BICC1: variants seen among roughly 807,000 people sequenced by gnomAD.
BICC1 encodes BicC family RNA binding protein 1, also known as protein bicaudal C homolog 1.
Under a neutral mutation model 111.0 loss-of-function variants are expected in BICC1, and 43 were observed. That is an observed-to-expected ratio of 0.39 (90% CI 0.30 to 0.50). BICC1 has a LOEUF of 0.50. Among genes scored for constraint, BICC1 ranks in the 20% least tolerant of loss-of-function variants. The pLI, the probability that BICC1 is intolerant of heterozygous loss-of-function variation, is 0.88. For missense variants in BICC1, 1,091 were observed against 1,203.2 expected, an observed-to-expected ratio of 0.91 and a Z score of 1.38; for synonymous variants, 467 against 434.4, an observed-to-expected ratio of 1.07 and a Z score of -0.93.
chr10:58,779,977 A>G (rs1306359754), intron 3 of BICC1, among the ~76,000 whole-genome samples: 1 of 152,096 alleles, frequency 6.6e-6, no homozygotes, highest in African/African-American at 2.4e-5. Flanking sequence ...CTTTGGAACT[A>G]CTTGCCGACT....
chr10:58,688,763 A>C (rs1839826571), intron 2 of BICC1, among the ~76,000 whole-genome samples: 1 of 152,156 alleles, frequency 6.6e-6, no homozygotes. Context: ...CATCATTCCC[A>C]GGAAACTACA....
intron 1 of BICC1, among the ~76,000 whole-genome samples, chr10:58,571,915 T>C (rs1290432077): frequency 6.6e-6 from 1 of 152,170 alleles, no homozygotes; most frequent in Non-Finnish European, 1.5e-5. Context: ...CACCACATTA[T>C]CTTCCACAAT....
At chr10:58,661,841 G>A (rs1418948231) in intron 2 of BICC1, among the ~76,000 whole-genome samples, 4 of 152,076 alleles carry the variant, frequency 2.6e-5, no homozygotes, top group African/African-American at 9.7e-5. Flanking sequence ...AACATATGAG[G>A]CATTGAAATT....
In BICC1 at chr10:58,716,401, T is replaced by C. The variant is rs935829344; in HGVS notation, c.307+14258T>C. On this transcript the variant is annotated intron_variant, in intron 3 of 20. Transcript: ENST00000373886. ...TGCATGAATTTTCTTGTTTTTAGAA[T>C]TATTCCTGGACTATTCAGTAGCCAC... The C allele has an allele frequency of 4.6e-6, 5 of 1,088,628 alleles. No individual in the cohort carries two copies. In the African/African-American group the frequency reaches 8.0e-5, roughly 17 times the overall value. 67.4% of individuals were successfully genotyped at this position (1,088,628 alleles called of 1,614,324 possible). A position where few individuals can be genotyped will look rare whatever the true frequency, so the allele number is the denominator to read the frequency against.
chr10:58,634,416 G>A (rs1421255911), intron 2 of BICC1, among the ~76,000 whole-genome samples: 1 of 152,052 alleles, frequency 6.6e-6, no homozygotes, highest in African/African-American at 2.4e-5. Context: ...CTTAACCCCA[G>A]GTACAGGTTT....
chr10:58,706,121 T>A (rs1840380560), intron 3 of BICC1, among the ~76,000 whole-genome samples: 1 of 152,200 alleles, frequency 6.6e-6, no homozygotes, highest in African/African-American at 2.4e-5. Context: ...TTGAAAAATT[T>A]GAGGTTTGTG....
At chr10:58,632,397 T>C (rs911163485) in intron 2 of BICC1, among the ~76,000 whole-genome samples, 5 of 152,034 alleles carry the variant, frequency 3.3e-5, no homozygotes, top group African/African-American at 1.2e-4. Flanking sequence ...GGGGGAAGGG[T>C]GGCCCTATGG....
intron 1 of BICC1, among the ~76,000 whole-genome samples, chr10:58,560,849 T>C (rs1843584631): frequency 6.6e-6 from 1 of 152,100 alleles, no homozygotes; most frequent in African/African-American, 2.4e-5. Flanking sequence ...TTCATTTCCA[T>C]TTATTTGTAC....
chr10:58,757,351 G>A (rs1265697204), intron 3 of BICC1, among the ~76,000 whole-genome samples: 2 of 152,126 alleles, frequency 1.3e-5, no homozygotes, highest in Admixed American at 6.5e-5. Context: ...AGTATTTGAC[G>A]TTATGGTTAA....
intron 3 of BICC1, among the ~76,000 whole-genome samples, chr10:58,725,840 T>A (rs1288439055): frequency 6.6e-6 from 1 of 152,228 alleles, no homozygotes; most frequent in Non-Finnish European, 1.5e-5. Context: ...GAAAAGGGAA[T>A]AATTTTTTTA....
intron 3 of BICC1, among the ~76,000 whole-genome samples, chr10:58,739,430 G>C (rs1051287323): frequency 1.3e-5 from 2 of 152,172 alleles, no homozygotes; most frequent in East Asian, 3.9e-4. Context: ...CAGGGATGAA[G>C]CCAACTTGAT....
chr10:58,812,556 C>T (rs1180589343), intron 17 of BICC1, among the ~76,000 whole-genome samples: 1 of 151,332 alleles, frequency 6.6e-6, no homozygotes, highest in Non-Finnish European at 1.5e-5. Flanking sequence ...TTGCTCATTG[C>T]AACCTCCGCC....
intron 15 of BICC1, among the ~76,000 whole-genome samples, chr10:58,806,116 G>A (rs957200232): frequency 3.9e-5 from 6 of 152,088 alleles, no homozygotes; most frequent in Non-Finnish European, 7.4e-5. Flanking sequence ...ATTTCTTAAG[G>A]TATCTTGACA....
chr10:58,617,132 C>T (rs755034705), intron 1 of BICC1, among the ~76,000 whole-genome samples: 3 of 152,254 alleles, frequency 2.0e-5, no homozygotes, highest in African/African-American at 7.2e-5. Context: ...AAAGGAGCTG[C>T]GCTCCAGTAT....
chr10:58,535,138 A>T (rs1227226198), intron 1 of BICC1, among the ~76,000 whole-genome samples: 1 of 151,802 alleles, frequency 6.6e-6, no homozygotes, highest in Non-Finnish European at 1.5e-5. Flanking sequence ...GGAGAGGAAA[A>T]AACAAAAAAT....
At chr10:58,582,786 A>T (rs1404984745) in intron 1 of BICC1, among the ~76,000 whole-genome samples, 1 of 152,136 alleles carries the variant, frequency 6.6e-6, no homozygotes, top group Non-Finnish European at 1.5e-5. Context: ...CCATTTTTAA[A>T]GCCAGCAGCA....
chr10:58,805,279 C>T (rs968409509), intron 15 of BICC1, among the ~76,000 whole-genome samples: 3 of 150,856 alleles, frequency 2.0e-5, no homozygotes, highest in Non-Finnish European at 4.4e-5. Context: ...GGCAACAGAG[C>T]GAGACTCTGT....
At chr10:58,743,780 T>TC (rs926041334) in intron 3 of BICC1, among the ~76,000 whole-genome samples, 13 of 150,972 alleles carry the variant, frequency 8.6e-5, no homozygotes, top group Admixed American at 5.3e-4. Flanking sequence ...TTCTTTTCTT[T>TC]TTTTTTTTTT....
chr10:58,740,397 A>G (rs1277233400), intron 3 of BICC1, among the ~76,000 whole-genome samples: 1 of 152,204 alleles, frequency 6.6e-6, no homozygotes, highest in Non-Finnish European at 1.5e-5. Context: ...CTCCTTTGAC[A>G]TTTAAAAGTT....
Sources: allele counts gnomAD v4.1 joint callset (sites outside exome capture counted in the v4.1 genomes callset), GRCh38; gene constraint gnomAD v4.1.1; transcripts MANE v1.5; gene names NCBI Gene and HGNC (gene_info 2026-07-23, HGNC 2026-07-21).